Variants in AGAP1 observed in about 807,000 individuals in gnomAD.
AGAP1 encodes arf-GAP with GTPase, ANK repeat and PH domain-containing protein 1.
In AGAP1, 29 loss-of-function variants were observed where a neutral mutation model predicts 105.3. That is an observed-to-expected ratio of 0.28 (90% CI 0.21 to 0.38). The LOEUF is 0.38. Ranked by LOEUF, AGAP1 falls within the 10% of genes least tolerant of loss-of-function variation. The pLI, the probability that AGAP1 is intolerant of heterozygous loss-of-function variation, is 1.00. For missense variants in AGAP1, 998 were observed against 1,165.1 expected, an observed-to-expected ratio of 0.86 and a Z score of 2.09; for synonymous variants, 509 against 485.9, an observed-to-expected ratio of 1.05 and a Z score of -0.63.
At position 235,891,786 on chromosome 2, in the gene AGAP1, C is replaced by T. The variant is rs2050558213; in HGVS notation, c.1155+8337C>T. Among the ~76,000 whole-genome samples, 1 of 152,058 alleles carries T rather than the reference C, an allele frequency of 6.6e-6. No homozygotes were observed. Among genetic ancestry groups the T allele is most frequent in the Admixed American group, 6.5e-5 (1 of 15,274 alleles). The stretch of plus-strand genomic sequence containing the variant: ...GGCTCTCTGGGCTTCCTCAGGAGGT[C>T]GTTTGGCAGCTGTGAAACTCCTCCC... On this transcript the variant is annotated intron_variant, in intron 10 of 17. Coordinates refer to ENST00000304032, the MANE Select transcript of AGAP1 (RefSeq NM_001037131.3). The surrounding 1 kb of genome is among the most constrained non-coding windows in gnomAD (Gnocchi z 4.2).
intron 1 of AGAP1, among the ~76,000 whole-genome samples, chr2:235,647,055 G>C (rs1947412610): frequency 6.6e-6 from 1 of 150,922 alleles, no homozygotes; most frequent in South Asian, 2.1e-4. Context: ...AGAATGGCGT[G>C]AACCTGGGAG....
At chr2:235,991,704 A>G (rs1017465288) in intron 13 of AGAP1, among the ~76,000 whole-genome samples, 3 of 152,230 alleles carry the variant, frequency 2.0e-5, no homozygotes, top group Admixed American at 6.5e-5. Context: ...AGGCAATCAC[A>G]TAAGGCTATC....
intron 16 of AGAP1, among the ~76,000 whole-genome samples, chr2:236,112,832 A>G (rs1576334715): frequency 1.3e-5 from 2 of 152,190 alleles, no homozygotes; most frequent in African/African-American, 4.8e-5. Flanking sequence ...CTGGCCGGCC[A>G]CCTTATGGCC....
chr2:235,774,971 T>C (rs545490526), intron 6 of AGAP1, among the ~76,000 whole-genome samples: 1 of 152,292 alleles, frequency 6.6e-6, no homozygotes, highest in African/African-American at 2.4e-5. Context: ...TGGAGCTCCC[T>C]TCTGAGAGCC....
chr2:235,963,936 G>A lies in AGAP1; in HGVS notation c.1484-4526G>A, dbSNP rs1454600739. ...GTGTGTTCTGAGTGTCTTCGAAATA[G>A]CGGTGTACACTCATAAAAACAACCG... On this transcript the variant is annotated intron_variant, in intron 12 of 17. Coordinates refer to ENST00000304032, the MANE Select transcript of AGAP1 (RefSeq NM_001037131.3). This position sits in a 1 kb window ranked among gnomAD's most constrained non-coding sequence, Gnocchi z 5.1. Among the ~76,000 whole-genome samples, 1 of 145,754 alleles carries A rather than the reference G, an allele frequency of 6.9e-6. No individual in the cohort carries two copies. Among genetic ancestry groups the A allele is most frequent in the East Asian group, 1.9e-4 (1 of 5,186 alleles).
intron 1 of AGAP1, among the ~76,000 whole-genome samples, chr2:235,656,288 C>T (rs904925151): frequency 3.3e-5 from 5 of 152,136 alleles, no homozygotes; most frequent in African/African-American, 4.8e-5. Context: ...TTCAGAAGCA[C>T]GAGAACAAAC....
rs1246079644 is a variant in AGAP1 at position 235,601,435 on chromosome 2, ACTCACAGTTCTACATGGCTGGGGAGGC to A, written c.163+106595_163+106621del. On this transcript the variant is annotated intron_variant, in intron 1 of 17. Coordinates refer to ENST00000304032, the MANE Select transcript of AGAP1 (RefSeq NM_001037131.3). The surrounding 1 kb of genome is among the most constrained non-coding windows in gnomAD (Gnocchi z 4.4). ...TTTATAAAGGAAAGAAGTTTAACGG[ACTCACAGTTCTACATGGCTGGGGAGGC>A]CTCACAGTCATGGCGGAAGGTGAAT... Among the ~76,000 whole-genome samples, 1 of 152,124 alleles carries A rather than the reference ACTCACAGTTCTACATGGCTGGGGAGGC, an allele frequency of 6.6e-6. No homozygotes were observed. Among genetic ancestry groups the A allele is most frequent in the Non-Finnish European group, 1.5e-5 (1 of 68,026 alleles).
At chr2:236,099,323 C>T (rs953016081) in intron 16 of AGAP1, among the ~76,000 whole-genome samples, 5 of 151,726 alleles carry the variant, frequency 3.3e-5, no homozygotes, top group Non-Finnish European at 5.9e-5. Context: ...GGCGTGGTGG[C>T]GAGCGCCTGT....
At chr2:235,917,171 C>A (rs77523103) in intron 11 of AGAP1, among the ~76,000 whole-genome samples, 3,043 of 152,254 alleles carry the variant, frequency 0.02, 44 homozygotes, top group Middle Eastern at 0.051. Context: ...TACATCCCCC[C>A]CTTCCCTACT....
chr2:235,894,325 C>G (rs947798554), intron 10 of AGAP1, among the ~76,000 whole-genome samples: 3 of 152,198 alleles, frequency 2.0e-5, no homozygotes, highest in Non-Finnish European at 4.4e-5. Context: ...AGAGCCTACA[C>G]TCACATCCTT....
At chr2:235,675,805 G>A (rs1225123543) in intron 1 of AGAP1, among the ~76,000 whole-genome samples, 5 of 152,110 alleles carry the variant, frequency 3.3e-5, no homozygotes, top group Non-Finnish European at 5.9e-5. Flanking sequence ...TCCTTAGGTT[G>A]GAGCCCAAGT....
At chr2:235,597,649 A>G (rs1945569817) in intron 1 of AGAP1, among the ~76,000 whole-genome samples, 1 of 152,148 alleles carries the variant, frequency 6.6e-6, no homozygotes, top group Non-Finnish European at 1.5e-5. Flanking sequence ...GATTTGTTCT[A>G]ACGTTGGTGA....
Position 236,044,601 on chromosome 2 carries a change from G to A in AGAP1, c.1891+3760G>A, listed in dbSNP as rs1375828971. ...AACCCCAGGCCTGCACACAAGAGGG[G>A]ACTGGCACCCACCACTACCACCAGA... is the stretch of plus-strand genomic sequence containing the variant. On this transcript the variant is annotated intron_variant, in intron 15 of 17. Coordinates refer to ENST00000304032, the MANE Select transcript of AGAP1 (RefSeq NM_001037131.3). The surrounding 1 kb of genome is among the most constrained non-coding windows in gnomAD (Gnocchi z 5.7). Among the ~76,000 whole-genome samples the A allele has an allele frequency of 6.6e-6, 1 of 152,034 alleles. No homozygotes were observed. The highest frequency in any genetic ancestry group is 6.6e-5 in the Admixed American group (1 of 15,264).
chr2:235,603,222 C>CT (rs749002624), intron 1 of AGAP1, among the ~76,000 whole-genome samples: 64 of 152,022 alleles, frequency 4.2e-4, no homozygotes, highest in Non-Finnish European at 7.2e-4. Context: ...GCTCTCGTCT[C>CT]TCTCTTGCCT....
intron 1 of AGAP1, among the ~76,000 whole-genome samples, chr2:235,579,422 T>A (rs1349414966): frequency 6.6e-6 from 1 of 152,222 alleles, no homozygotes; most frequent in African/African-American, 2.4e-5. Context: ...TTGGCTCTTT[T>A]GTTGTTGTCG....
rs1281246279 is a variant in AGAP1 at position 235,732,923 on chromosome 2, G to T, written c.311-8040G>T. 2.0e-5 allele frequency among the ~76,000 whole-genome samples: 3 copies of T among 152,304 alleles called. No individual in the cohort carries two copies. The highest frequency in any genetic ancestry group is 6.5e-5 in the Admixed American group (1 of 15,308). On this transcript the variant is annotated intron_variant, in intron 3 of 17. Transcript: ENST00000304032. This position sits in a 1 kb window ranked among gnomAD's most constrained non-coding sequence, Gnocchi z 4.8. ...CCACCTCCCCCAGCCAGCCCCAGGGGTGTTGGGGGCATCTTTCGAGTCTCA... is the reference window on the plus strand; with the variant it reads ...CCACCTCCCCCAGCCAGCCCCAGGGTTGTTGGGGGCATCTTTCGAGTCTCA...
intron 1 of AGAP1, among the ~76,000 whole-genome samples, chr2:235,589,189 G>GTTTTTTTTTTTTTTTTTTTTTTTTTTT (rs1205771315): frequency 1.8e-5 from 1 of 54,926 alleles, no homozygotes; most frequent in Non-Finnish European, 4.3e-5. Flanking sequence ...ATAGCTTATT[G>GTTTTTTTTTTTTTTTTTTTTTTTTTTT]TTTTGTTTTT....
intron 9 of AGAP1, among the ~76,000 whole-genome samples, chr2:235,851,421 T>A (rs1401761647): frequency 1.3e-5 from 2 of 152,138 alleles, no homozygotes; most frequent in African/African-American, 4.8e-5. Flanking sequence ...TCACCCCCTT[T>A]CCCTAAACTT....
rs143918211 is a variant in AGAP1, at chr2:235,905,584, C to CT, written c.1156-3153dup. On this transcript the variant is annotated intron_variant, in intron 10 of 17. Transcript: ENST00000304032. This position sits in a 1 kb window ranked among gnomAD's most constrained non-coding sequence, Gnocchi z 4.2. ...GCATGATCTCTGCTCCCTGCAATCT[C>CT]TGTCTCCCAGGTTCAAGCGATTCTC... 2.0e-3 allele frequency among the ~76,000 whole-genome samples: 298 copies of CT among 152,324 alleles called. 2 individuals are homozygous for CT. The highest frequency in any genetic ancestry group is 6.9e-3 in the African/African-American group (289 of 41,584).
Sources: gnomAD v4.1 joint callset for allele counts (sites outside exome capture counted in the v4.1 genomes callset) on GRCh38, gnomAD v4.1.1 for gene constraint, Gnocchi (gnomAD v3.1) non-coding constraint, MANE v1.5 for transcripts, NCBI Gene and HGNC (gene_info 2026-07-23, HGNC 2026-07-21) for gene names.